PHLPP1: variants seen among roughly 807,000 people sequenced by gnomAD.
PHLPP1 encodes PH domain leucine-rich repeat-containing protein phosphatase 1.
In PHLPP1, 42 loss-of-function variants were observed where a neutral mutation model predicts 117.2. That is an observed-to-expected ratio of 0.36 (90% CI 0.28 to 0.46). The LOEUF is 0.46. Ranked by LOEUF, PHLPP1 falls within the 20% of genes least tolerant of loss-of-function variation. The pLI, the probability that PHLPP1 is intolerant of heterozygous loss-of-function variation, is 1.00. For missense variants in PHLPP1, 2,084 were observed against 2,241.9 expected (o/e 0.93, Z 1.42); for synonymous variants, 1,042 against 970.7 (o/e 1.07, Z -1.37).
Position 62,766,103 on chromosome 18 carries a change from A to ATATATATAT in PHLPP1, c.1576+48844_1576+48845insTATATATAT, listed in dbSNP as rs1491171718. 3.2e-3 allele frequency among the ~76,000 whole-genome samples: 169 copies of ATATATATAT among 53,276 alleles called. 6 individuals carry two copies. Among genetic ancestry groups the ATATATATAT allele is most frequent in the Non-Finnish European group, 5.8e-3 (145 of 25,124 alleles). 35.0% of individuals were successfully genotyped at this position (53,276 alleles called of 152,430 possible). On this transcript the variant is annotated intron_variant, in intron 1 of 16. Transcript: ENST00000262719. ...TATATATATATATATATATATATAT[A>ATATATATAT]AAATATATATATATTTGTACAGAAA...
intron 1 of PHLPP1, among the ~76,000 whole-genome samples, chr18:62,754,323 T>G (rs1240433892): frequency 1.3e-5 from 2 of 152,224 alleles, no homozygotes; most frequent in Non-Finnish European, 2.9e-5. Context: ...GTAGGGCATG[T>G]CTGTGTGTGC....
intron 5 of PHLPP1, among the ~76,000 whole-genome samples, 159 bp downstream of exon 5, chr18:62,895,316 A>C (rs960300099): frequency 3.3e-5 from 5 of 152,220 alleles, no homozygotes; most frequent in African/African-American, 4.8e-5. Flanking sequence ...TGGAGTTCAT[A>C]TGTTGGATTT....
In PHLPP1 at chr18:62,979,532, C is replaced by T. The variant is rs114938961; in HGVS notation, c.*101C>T. The T allele has an allele frequency of 9.2e-4, 1,189 of 1,294,714 alleles. 6 individuals carry two copies. The African/African-American group carries it at 0.016, about 18-fold the overall frequency. The allele number at this position is 1,294,714 out of a possible 1,614,324, so 80.2% of individuals were successfully genotyped here. A position where few individuals can be genotyped will look rare whatever the true frequency, so the allele number is the denominator to read the frequency against. On this transcript the variant is annotated 3_prime_UTR_variant, in exon 17 of 17. Transcript: ENST00000262719. ...CAGGGGTTTTACTCCACATCCTTCC[C>T]CCAGACACTGTTCCCAACCTGTCAT...
chr18:62,930,275 T>C (rs495005), intron 10 of PHLPP1, among the ~76,000 whole-genome samples: 42,826 of 151,284 alleles, frequency 0.28, 7,300 homozygotes, highest in Non-Finnish European at 0.37. Context: ...TATGACAGAG[T>C]TGAGACTCAG....
chr18:62,715,762 G>A lies in PHLPP1; in HGVS notation c.79G>A (p.Ala27Thr). Reference sequence around the variant, plus strand: ...GGACCGAGCTTCGGCTCCGGCGGCCGCCGCTGCGGCAGCAGCAGCAGCAGC... The same window carrying A: ...GGACCGAGCTTCGGCTCCGGCGGCCACCGCTGCGGCAGCAGCAGCAGCAGC... ...REDRASAPAA[A>T]AAAAAAAAAA... The change falls in exon 1 of 17, where the codon GCC becomes ACC. Residue 27 changes from alanine to threonine, a missense_variant. Ala to Thr is a moderately conservative substitution (Grantham distance 58). Coordinates refer to ENST00000262719, the MANE Select transcript of PHLPP1 (RefSeq NM_194449.4). The A allele has an allele frequency of 1.0e-6, 1 of 957,080 alleles. No homozygotes were observed. Among genetic ancestry groups the A allele is most frequent in the Non-Finnish European group, 1.3e-6 (1 of 780,064 alleles). 59.3% of individuals were successfully genotyped at this position (957,080 alleles called of 1,614,324 possible).
At chr18:62,968,084 A>G (rs756292327) in intron 14 of PHLPP1, among the ~76,000 whole-genome samples, 1 of 152,178 alleles carries the variant, frequency 6.6e-6, no homozygotes, top group Non-Finnish European at 1.5e-5. Context: ...CTGCCTCCCA[A>G]AGAGCTAGGA....
intron 10 of PHLPP1, among the ~76,000 whole-genome samples, chr18:62,933,829 A>G (rs1909889350): frequency 6.6e-6 from 1 of 152,214 alleles, no homozygotes; most frequent in Non-Finnish European, 1.5e-5. Context: ...AATGGTAGAA[A>G]ATATTTGCAA....
intron 10 of PHLPP1, among the ~76,000 whole-genome samples, chr18:62,935,933 G>A (rs149481487): frequency 6.6e-6 from 1 of 152,316 alleles, no homozygotes; most frequent in East Asian, 1.9e-4. Context: ...AACCCAGGAG[G>A]TGGAGGTTGC....
chr18:62,844,626 CAT>C (rs1014751969), intron 3 of PHLPP1, among the ~76,000 whole-genome samples: 1 of 152,158 alleles, frequency 6.6e-6, no homozygotes, highest in African/African-American at 2.4e-5. Context: ...ACTATTTTCA[CAT>C]GTGTGTATAA....
Position 62,715,901 on chromosome 18 carries a change from A to T in PHLPP1, c.218A>T (p.Glu73Val). ...GGCAGCGGCAGCGGGGCGCGGGAAG[A>T]GGCCCCAGGCGAGGCGCCGCCGGGG... ...GNGSGSGAREEAPGEAPPGPL... is the reference protein window; with the variant it reads ...GNGSGSGAREVAPGEAPPGPL... The change falls in exon 1 of 17, where the codon GAG becomes GTG. Residue 73 changes from glutamate to valine, a missense_variant. Glu to Val is a moderately radical substitution (Grantham distance 121). Transcript: ENST00000262719. 1.1e-6 allele frequency: 1 copy of T among 890,708 alleles called. No homozygotes were observed. The highest frequency in any genetic ancestry group is 1.4e-6 in the Non-Finnish European group (1 of 740,670). 55.2% of individuals were successfully genotyped at this position (890,708 alleles called of 1,614,324 possible). A position where few individuals can be genotyped will look rare whatever the true frequency, so the allele number is the denominator to read the frequency against.
Position 62,761,046 on chromosome 18 carries a change from G to C in PHLPP1, c.1576+43787G>C, listed in dbSNP as rs182178232. ...TCCAGCTAGTTTTTTTGTATTTTTT[G>C]TAGCGATGGGATTTTGCCATGTTGC... On this transcript the variant is annotated intron_variant, in intron 1 of 16. Coordinates refer to ENST00000262719, the MANE Select transcript of PHLPP1 (RefSeq NM_194449.4). Among the ~76,000 whole-genome samples the C allele has an allele frequency of 4.2e-3, 638 of 151,902 alleles. 4 individuals are homozygous for C. Among genetic ancestry groups the C allele is most frequent in the Non-Finnish European group, 7.4e-3 (506 of 67,944 alleles).
intron 4 of PHLPP1, among the ~76,000 whole-genome samples, chr18:62,892,267 T>C (rs935026749): frequency 6.6e-6 from 1 of 151,752 alleles, no homozygotes; most frequent in Non-Finnish European, 1.5e-5. Flanking sequence ...TTTTGTATTT[T>C]TAGTAGAGAC....
At chr18:62,819,454 A>T (rs1914383567) in intron 1 of PHLPP1, among the ~76,000 whole-genome samples, 1 of 152,232 alleles carries the variant, frequency 6.6e-6, no homozygotes, top group Non-Finnish European at 1.5e-5. Flanking sequence ...AAGGCATAAA[A>T]TGAGTAAAAA....
chr18:62,761,311 A>C (rs1245049048), intron 1 of PHLPP1, among the ~76,000 whole-genome samples: 1 of 152,040 alleles, frequency 6.6e-6, no homozygotes, highest in Non-Finnish European at 1.5e-5. Flanking sequence ...TCTCTAAGCA[A>C]GGTGTTAAAA....
chr18:62,865,569 C>T (rs1465058441), intron 4 of PHLPP1, among the ~76,000 whole-genome samples: 1 of 152,196 alleles, frequency 6.6e-6, no homozygotes, highest in African/African-American at 2.4e-5. Flanking sequence ...GGCTTTCTAT[C>T]ATACTGCCAA....
chr18:62,848,876 TC>T (rs1281641501), intron 3 of PHLPP1, among the ~76,000 whole-genome samples: 1 of 152,222 alleles, frequency 6.6e-6, no homozygotes, highest in Admixed American at 6.5e-5. Flanking sequence ...TGCATTAAGT[TC>T]TACTACCTTA....
At chr18:62,720,486 CCT>C (rs1288106243) in intron 1 of PHLPP1, among the ~76,000 whole-genome samples, 1 of 152,032 alleles carries the variant, frequency 6.6e-6, no homozygotes, top group African/African-American at 2.4e-5. Flanking sequence ...TCTTTTTATC[CCT>C]GTCATATTTT....
chr18:62,886,147 G>A (rs1034823640), intron 4 of PHLPP1, among the ~76,000 whole-genome samples: 2 of 152,196 alleles, frequency 1.3e-5, no homozygotes, highest in Non-Finnish European at 2.9e-5. Context: ...AGTAGGAGGT[G>A]CAAATTAAAG....
rs374585263 is a variant in PHLPP1 at position 62,748,748 on chromosome 18, A to G, written c.1576+31489A>G. Among the ~76,000 whole-genome samples, 13 of 152,256 alleles carry G rather than the reference A, an allele frequency of 8.5e-5. 1 individual carries two copies. The East Asian group carries it at 1.5e-3, about 18-fold the overall frequency. On this transcript the variant is annotated intron_variant, in intron 1 of 16. Transcript: ENST00000262719. ...ATATTGCCATAGTTGCCCTTCTTCT[A>G]AACAACATATAGCAGGTTTAAAATT...
Sources: allele counts gnomAD v4.1 joint callset (sites outside exome capture counted in the v4.1 genomes callset), GRCh38; gene constraint gnomAD v4.1.1; transcripts MANE v1.5; gene names NCBI Gene and HGNC (gene_info 2026-07-23, HGNC 2026-07-21).